The following PPP1R12A variants were observed in gnomAD, a reference collection of about 807,000 sequenced individuals.
The protein encoded by PPP1R12A is myosin binding subunit.
In PPP1R12A, 19 loss-of-function variants were observed where a neutral mutation model predicts 139.6. The observed-to-expected ratio is 0.14, with a 90% CI of 0.09 to 0.20. The LOEUF (loss-of-function observed/expected upper bound fraction) is 0.20. Ranked by LOEUF, PPP1R12A falls within the 10% of genes least tolerant of loss-of-function variation. The pLI is 1.00. For missense variants in PPP1R12A, 925 were observed against 1,211.5 expected, an observed-to-expected ratio of 0.76 and a Z score of 3.51; for synonymous variants, 427 against 420.6, an observed-to-expected ratio of 1.02 and a Z score of -0.19.
At chr12:79,877,113 A>T (rs577115101) in intron 1 of PPP1R12A, among the ~76,000 whole-genome samples, 6 of 152,150 alleles carry the variant, frequency 3.9e-5, no homozygotes, top group Non-Finnish European at 7.4e-5. Flanking sequence ...CAAGTAATTT[A>T]ATCTTTTTGG....
intron 2 of PPP1R12A, among the ~76,000 whole-genome samples, chr12:79,858,206 C>T (rs1880907323): frequency 6.6e-6 from 1 of 152,142 alleles, no homozygotes; most frequent in Non-Finnish European, 1.5e-5. Flanking sequence ...ACTTCATTCT[C>T]CTCTGCTCCT....
intron 3 of PPP1R12A, among the ~76,000 whole-genome samples, chr12:79,841,662 T>C (rs752559410): frequency 6.6e-6 from 1 of 152,170 alleles, no homozygotes; most frequent in Non-Finnish European, 1.5e-5. Flanking sequence ...TAATATCAGA[T>C]AAAAAATAGG....
Position 79,820,900 on chromosome 12 carries a change from T to C in PPP1R12A, c.988A>G (p.Asn330Asp). The C allele has an allele frequency of 1.2e-6, 2 of 1,613,532 alleles. No homozygotes were observed. The highest frequency in any genetic ancestry group is 1.7e-6 in the Non-Finnish European group (2 of 1,179,766). The change falls in exon 8 of 25, where the codon AAT (asparagine) becomes GAT (aspartate). Residue 330 changes from asparagine (N) to aspartate (D), a missense_variant. Coordinates refer to ENST00000450142, the MANE Select transcript of PPP1R12A (RefSeq NM_002480.3). The part of the protein sequence containing the change: ...KETLIIEPEK[N>D]ASRIESLEQE... ...TCCAGAGATTCAATACGGGATGCAT[T>C]TTTCTCTGGTTCAATAATCAACGTC...
chr12:79,788,575 A>G (rs1159773039), intron 21 of PPP1R12A, 73 bp downstream of exon 21: 3 of 1,355,534 alleles, frequency 2.2e-6, no homozygotes, highest in Non-Finnish European at 3.0e-6. Flanking sequence ...ATGAGTTTTT[A>G]AAATAATATT....
At chr12:79,824,646 A>T (rs1272092362) in intron 5 of PPP1R12A, among the ~76,000 whole-genome samples, 1 of 152,204 alleles carries the variant, frequency 6.6e-6, no homozygotes, top group Non-Finnish European at 1.5e-5. Flanking sequence ...CATGCTCTTT[A>T]AACAATCTGC....
intron 21 of PPP1R12A, chr12:79,786,730 G>A (rs1366157983): frequency 3.7e-6 from 1 of 271,952 alleles, no homozygotes; most frequent in Non-Finnish European, 6.8e-6. Flanking sequence ...GACTTTTCAG[G>A]TTATCTTAAA....
At chr12:79,811,321 C>T (rs1404294976) in intron 9 of PPP1R12A, among the ~76,000 whole-genome samples, 1 of 152,158 alleles carries the variant, frequency 6.6e-6, no homozygotes, top group Admixed American at 6.5e-5. Flanking sequence ...AGTGTCTAAG[C>T]ATTCCTCAGT....
rs368445802 is a variant in PPP1R12A at position 79,887,498 on chromosome 12, G to A, written c.238-14560C>T. On this transcript the variant is annotated intron_variant, in intron 1 of 24. Coordinates refer to ENST00000450142, the MANE Select transcript of PPP1R12A (RefSeq NM_002480.3). ...CTATGAAATTTAACAGCGATATAGC[G>A]AAATAAAGGAAAACTCAATATGTGA... 2.7e-4 allele frequency among the ~76,000 whole-genome samples: 41 copies of A among 152,132 alleles called. 1 individual carries two copies. The highest frequency in any genetic ancestry group is 8.9e-4 in the African/African-American group (37 of 41,518).
chr12:79,804,129 A>G (rs1165104442), intron 14 of PPP1R12A, among the ~76,000 whole-genome samples: 1 of 152,114 alleles, frequency 6.6e-6, no homozygotes, highest in East Asian at 1.9e-4. Context: ...AGGCAGAGTA[A>G]GGAGTAAGAA....
At chr12:79,781,973 C>T in intron 22 of PPP1R12A, 111 bp from the exon 23 acceptor site, 1 of 532,284 alleles carries the variant, frequency 1.9e-6, no homozygotes, top group Non-Finnish European at 3.3e-6. Context: ...TGGAGTAAAA[C>T]ACAGGTTCGT....
intron 1 of PPP1R12A, among the ~76,000 whole-genome samples, chr12:79,903,230 A>G (rs1592801484): frequency 6.6e-6 from 1 of 152,118 alleles, no homozygotes; most frequent in South Asian, 2.1e-4. Flanking sequence ...AGGCGGGTGG[A>G]TCACAAAGTC....
chr12:79,832,755 T>C (rs1877582317), intron 3 of PPP1R12A, among the ~76,000 whole-genome samples: 2 of 152,076 alleles, frequency 1.3e-5, no homozygotes, highest in South Asian at 2.1e-4. Context: ...TTCTTCTTGT[T>C]TTTTAAAAAT....
chr12:79,868,116 C>T (rs553792334), intron 2 of PPP1R12A, among the ~76,000 whole-genome samples: 1 of 152,180 alleles, frequency 6.6e-6, no homozygotes, highest in East Asian at 1.9e-4. Context: ...AAAATGTTAC[C>T]ATTGTATAGT....
At chr12:79,800,291 G>A (rs1177220641) in intron 14 of PPP1R12A, among the ~76,000 whole-genome samples, 1 of 152,116 alleles carries the variant, frequency 6.6e-6, no homozygotes, top group Non-Finnish European at 1.5e-5. Flanking sequence ...CTCTGAGATA[G>A]CAAGACCAAT....
At chr12:79,873,099 G>A (rs1044962358) in intron 1 of PPP1R12A, among the ~76,000 whole-genome samples, 161 bp from the exon 2 acceptor site, 2 of 152,036 alleles carry the variant, frequency 1.3e-5, no homozygotes, top group Non-Finnish European at 2.9e-5. Flanking sequence ...ACATGCTAAT[G>A]ACACTAAATT....
intron 8 of PPP1R12A, among the ~76,000 whole-genome samples, chr12:79,818,333 C>G (rs1404833721): frequency 2.0e-5 from 3 of 152,084 alleles, no homozygotes; most frequent in Non-Finnish European, 4.4e-5. Context: ...AGCCTGTTAC[C>G]CAGGCTCAAG....
At position 79,935,012 on chromosome 12, in the gene PPP1R12A, G is replaced by A; in HGVS notation, c.-81C>T. On this transcript the variant is annotated 5_prime_UTR_variant, in exon 1 of 25. Transcript: ENST00000450142. Reference sequence around the variant, plus strand: ...AGGGAAGAGAGGGGAGGCAGGGGGTGTGTGAATGTTTCTATGAGTGCGGGC... The same window carrying A: ...AGGGAAGAGAGGGGAGGCAGGGGGTATGTGAATGTTTCTATGAGTGCGGGC... The A allele has an allele frequency of 1.4e-6, 2 of 1,480,436 alleles. No homozygotes were observed. Among genetic ancestry groups the A allele is most frequent in the Admixed American group, 2.2e-5 (1 of 45,180 alleles). The allele number at this position is 1,480,436 out of a possible 1,614,324, so 91.7% of individuals were successfully genotyped here. A position where few individuals can be genotyped will look rare whatever the true frequency, so the allele number is the denominator to read the frequency against.
At chr12:79,876,557 C>T (rs1421870407) in intron 1 of PPP1R12A, among the ~76,000 whole-genome samples, 1 of 152,184 alleles carries the variant, frequency 6.6e-6, no homozygotes, top group African/African-American at 2.4e-5. Context: ...ACACTGCTTT[C>T]CACAGATGTT....
chr12:79,871,666 G>A (rs7956912), intron 2 of PPP1R12A, among the ~76,000 whole-genome samples: 121,799 of 152,034 alleles, frequency 0.8, 50,722 homozygotes, highest in Non-Finnish European at 0.92. Flanking sequence ...ATCATTAAGT[G>A]TAGTTAAAGA....
Sources: allele counts gnomAD v4.1 joint callset (sites outside exome capture counted in the v4.1 genomes callset), GRCh38; gene constraint gnomAD v4.1.1; transcripts MANE v1.5; gene names NCBI Gene and HGNC (gene_info 2026-07-23, HGNC 2026-07-21).